Variants in SLC4A4 observed in about 807,000 individuals in gnomAD.
The protein encoded by SLC4A4 is electrogenic sodium bicarbonate cotransporter 1.
In SLC4A4, 27 loss-of-function variants were observed where a neutral mutation model predicts 111.5. The observed-to-expected ratio is 0.24, with a 90% CI of 0.18 to 0.33. The LOEUF is 0.33. Ranked by LOEUF, SLC4A4 falls within the 10% of genes least tolerant of loss-of-function variation. The probability of loss-of-function intolerance (pLI) is 1.00; values close to 1 mark genes in which losing one functional copy is unlikely to be tolerated. For synonymous variants in SLC4A4, 443 were observed against 463.4 expected, an observed-to-expected ratio of 0.96 and a Z score of 0.57; for missense variants, 909 against 1,315.5, an observed-to-expected ratio of 0.69 and a Z score of 4.78.
chr4:71,448,821 T>C (rs1373614112), intron 9 of SLC4A4, among the ~76,000 whole-genome samples: 1 of 152,198 alleles, frequency 6.6e-6, no homozygotes, highest in African/African-American at 2.4e-5. Flanking sequence ...AAGGGGTACC[T>C]TTCTCCTTAG....
intron 7 of SLC4A4, among the ~76,000 whole-genome samples, chr4:71,399,357 G>T (rs1192722891): frequency 3.3e-5 from 5 of 152,026 alleles, no homozygotes; most frequent in African/African-American, 1.2e-4. Context: ...ACTTGTAGTA[G>T]TCATAGAGGT....
chr4:71,563,968 G>A (rs949702954), intron 24 of SLC4A4, 79 bp downstream of exon 24: 26 of 888,510 alleles, frequency 2.9e-5, no homozygotes, highest in Non-Finnish European at 4.6e-5. Context: ...ATGGCCATCT[G>A]CATTAACTTT....
intron 2 of SLC4A4, among the ~76,000 whole-genome samples, chr4:71,251,011 C>A (rs2149055610): frequency 6.6e-6 from 1 of 152,256 alleles, no homozygotes; most frequent in South Asian, 2.1e-4. Flanking sequence ...TGTAAGTATT[C>A]ACTAAATAGT....
chr4:71,501,613 ATTAT>A (rs1392745053), intron 16 of SLC4A4, among the ~76,000 whole-genome samples: 12 of 147,176 alleles, frequency 8.2e-5, no homozygotes, highest in South Asian at 2.1e-4. Context: ...GGTTTTGCTT[ATTAT>A]TTATTTATTT....
chr4:71,300,421 T>G, intron 3 of SLC4A4: 1 of 233,466 alleles, frequency 4.3e-6, no homozygotes, highest in South Asian at 7.7e-5. Flanking sequence ...CTGCTGTGCT[T>G]CATGACAGCG....
At chr4:71,339,059 G>C in intron 3 of SLC4A4, 1 of 1,518,268 alleles carries the variant, frequency 6.6e-7, no homozygotes, top group East Asian at 2.3e-5. Flanking sequence ...GAGAAGGAGG[G>C]GAAGTGAGTG....
intron 1 of SLC4A4, among the ~76,000 whole-genome samples, chr4:71,080,530 G>A (rs1741964431): frequency 6.6e-6 from 1 of 152,076 alleles, no homozygotes; most frequent in Non-Finnish European, 1.5e-5. Context: ...CATAAATGTT[G>A]CTGGACAATT....
intron 2 of SLC4A4, among the ~76,000 whole-genome samples, chr4:71,176,700 T>C (rs1295722481): frequency 1.3e-5 from 2 of 152,198 alleles, no homozygotes; most frequent in African/African-American, 4.8e-5. Context: ...AATCTACGTC[T>C]GATTGGTGTA....
chr4:71,271,668 T>G (rs1409748249), intron 3 of SLC4A4, among the ~76,000 whole-genome samples: 1 of 152,202 alleles, frequency 6.6e-6, no homozygotes, highest in Non-Finnish European at 1.5e-5. Flanking sequence ...ACTAGGATTG[T>G]ATTCAAAATA....
intron 8 of SLC4A4, 43 bp downstream of exon 8, chr4:71,440,816 G>T (rs1441517479): frequency 6.2e-7 from 1 of 1,601,364 alleles, no homozygotes; most frequent in Non-Finnish European, 8.6e-7. Flanking sequence ...TGCTAATAGG[G>T]TTATCTCCTC....
intron 1 of SLC4A4, among the ~76,000 whole-genome samples, chr4:71,064,085 A>T (rs1015397856): frequency 1.3e-5 from 2 of 152,096 alleles, no homozygotes; most frequent in Admixed American, 6.6e-5. Flanking sequence ...CATTAAAAAT[A>T]AAAAATTAAA....
chr4:71,339,122 G>C (rs1728676522), intron 3 of SLC4A4: 2 of 1,609,632 alleles, frequency 1.2e-6, no homozygotes, highest in Admixed American at 1.7e-5. Flanking sequence ...ACATCACACA[G>C]AATTGGAGTG....
At chr4:71,563,936 C>G in intron 24 of SLC4A4, 47 bp downstream of exon 24, 1 of 1,260,464 alleles carries the variant, frequency 7.9e-7, no homozygotes, top group Non-Finnish European at 1.2e-6. Context: ...ATGATTTGCA[C>G]TTACAGAGAA....
At chr4:71,333,173 C>A (rs1286002813) in intron 3 of SLC4A4, among the ~76,000 whole-genome samples, 1 of 152,208 alleles carries the variant, frequency 6.6e-6, no homozygotes, top group African/African-American at 2.4e-5. Context: ...GCTTTTCAAG[C>A]ATTCAAAGGG....
chr4:71,421,762 G>T (rs1305616932), intron 7 of SLC4A4, among the ~76,000 whole-genome samples: 1 of 152,144 alleles, frequency 6.6e-6, no homozygotes, highest in Non-Finnish European at 1.5e-5. Flanking sequence ...AAGGAAGGCA[G>T]AAATAAAGAT....
At chr4:71,303,922 T>C (rs1725476597) in intron 3 of SLC4A4, among the ~76,000 whole-genome samples, 1 of 152,202 alleles carries the variant, frequency 6.6e-6, no homozygotes, top group African/African-American at 2.4e-5. Context: ...TGAATGCCTA[T>C]TATATTCTTG....
At chr4:71,405,314 T>A (rs1011411984) in intron 7 of SLC4A4, among the ~76,000 whole-genome samples, 1 of 152,132 alleles carries the variant, frequency 6.6e-6, no homozygotes, top group South Asian at 2.1e-4. Context: ...TTGAGTTTAA[T>A]GAACTTTTCT....
In SLC4A4 at chr4:71,419,399, G is replaced by T. The variant is rs190294726; in HGVS notation, c.808-21217G>T. Among the ~76,000 whole-genome samples, 4 of 152,342 alleles carry T rather than the reference G, an allele frequency of 2.6e-5. No homozygotes were observed. The East Asian group carries it at 7.7e-4, about 30-fold the overall frequency. ...TTTACCTAAGCAAGCCTGGACAATG[G>T]CAGGCGCCCCTCCCCCAGCCTCACT... On this transcript the variant is annotated intron_variant, in intron 7 of 25. Transcript: ENST00000264485.
At chr4:71,086,445 A>C (rs1276241725) in intron 1 of SLC4A4, among the ~76,000 whole-genome samples, 4 of 151,986 alleles carry the variant, frequency 2.6e-5, no homozygotes, top group African/African-American at 9.7e-5. Flanking sequence ...CACTATGTTG[A>C]ATAGGAGTGG....
Sources: allele counts gnomAD v4.1 joint callset (sites outside exome capture counted in the v4.1 genomes callset), GRCh38; gene constraint gnomAD v4.1.1; transcripts MANE v1.5; gene names NCBI Gene and HGNC (gene_info 2026-07-23, HGNC 2026-07-21).